BMP5: variants seen among roughly 807,000 people sequenced by gnomAD.
BMP5 encodes bone morphogenetic protein 5.
Under a neutral mutation model 46.6 loss-of-function variants are expected in BMP5, and 23 were observed. The ratio of observed to expected loss-of-function variants is 0.49; its 90% CI spans 0.35 to 0.70. The LOEUF is 0.70. BMP5 is among the 30% of genes least tolerant of loss of function. BMP5 has a pLI of 0.00. For synonymous variants in BMP5, 204 were observed against 191.9 expected (o/e 1.06, Z -0.52); for missense variants, 545 against 565.6 (o/e 0.96, Z 0.37).
intron 4 of BMP5, among the ~76,000 whole-genome samples, chr6:55,770,120 T>C (rs1413751333): frequency 1.3e-5 from 2 of 151,854 alleles, no homozygotes; most frequent in Admixed American, 1.3e-4. Context: ...GAGAGTCAGA[T>C]TGTCAGAAGA....
chr6:55,874,661 A>G lies in BMP5; in HGVS notation c.205T>C (p.Ser69Pro). The G allele has an allele frequency of 6.2e-7, 1 of 1,613,602 alleles. No homozygotes were observed. Reference protein sequence around the residue: ...LGLPHRPRPFSPGKQASSAPL... With the variant: ...LGLPHRPRPFPPGKQASSAPL... Reference sequence around the variant, plus strand: ...GCAGAGGACGCTTGTTTTCCAGGTGAAAATGGTCTGGGTCTGTGAGGCAAA... The same window carrying G: ...GCAGAGGACGCTTGTTTTCCAGGTGGAAATGGTCTGGGTCTGTGAGGCAAA... Residue 69 changes from serine (S) to proline (P), a missense_variant, in exon 1 of 7, where the codon TCA (serine) becomes CCA (proline). Coordinates refer to ENST00000370830, the MANE Select transcript of BMP5 (RefSeq NM_021073.4).
chr6:55,845,210 A>AT (rs1156998542), intron 1 of BMP5, among the ~76,000 whole-genome samples: 10 of 152,162 alleles, frequency 6.6e-5, no homozygotes, highest in African/African-American at 2.2e-4. Context: ...TGAGATTTAA[A>AT]TTTTTTGCCG....
chr6:55,847,643 A>AT (rs1562068425), intron 1 of BMP5, among the ~76,000 whole-genome samples: 4 of 151,876 alleles, frequency 2.6e-5, no homozygotes, highest in East Asian at 1.9e-4. Context: ...AAATGCAATA[A>AT]TTTTTTTTAC....
intron 4 of BMP5, among the ~76,000 whole-genome samples, chr6:55,764,874 A>G (rs1239718527): frequency 1.3e-5 from 2 of 152,170 alleles, no homozygotes; most frequent in East Asian, 3.9e-4. Flanking sequence ...AATCAGTTGT[A>G]GTGTTCGATA....
At chr6:55,760,373 GA>G in intron 5 of BMP5, 83 bp downstream of exon 5, 2 of 1,291,854 alleles carry the variant, frequency 1.5e-6, no homozygotes, top group Non-Finnish European at 2.2e-6. Flanking sequence ...TATTATATTG[GA>G]AAATTACTGC....
intron 3 of BMP5, among the ~76,000 whole-genome samples, chr6:55,788,291 A>G (rs1269758317): frequency 6.6e-6 from 1 of 151,716 alleles, no homozygotes; most frequent in Admixed American, 6.6e-5. Context: ...TGTTTTTCTA[A>G]GAACAAAATG....
chr6:55,811,015 C>CCA (rs1197004598), intron 2 of BMP5, among the ~76,000 whole-genome samples: 1 of 152,176 alleles, frequency 6.6e-6, no homozygotes, highest in Non-Finnish European at 1.5e-5. Context: ...AGCATGATCC[C>CCA]CACACACTGA....
At chr6:55,788,695 C>T (rs980352006) in intron 3 of BMP5, among the ~76,000 whole-genome samples, 1 of 151,888 alleles carries the variant, frequency 6.6e-6, no homozygotes, top group Non-Finnish European at 1.5e-5. Context: ...GAGGTAATTA[C>T]TATCACACTC....
chr6:55,868,903 A>G (rs1187067231), intron 1 of BMP5, among the ~76,000 whole-genome samples: 1 of 152,216 alleles, frequency 6.6e-6, no homozygotes, highest in African/African-American at 2.4e-5. Context: ...CAAGGGTATT[A>G]TTTTAAGAGA....
At chr6:55,799,223 A>G (rs1168139906) in intron 2 of BMP5, among the ~76,000 whole-genome samples, 2 of 152,174 alleles carry the variant, frequency 1.3e-5, no homozygotes, top group Non-Finnish European at 2.9e-5. Context: ...TTAAGAGGTA[A>G]ATTACACTTA....
intron 2 of BMP5, among the ~76,000 whole-genome samples, chr6:55,803,852 G>C (rs1297790399): frequency 6.6e-6 from 1 of 152,110 alleles, no homozygotes; most frequent in Non-Finnish European, 1.5e-5. Context: ...TGTCCTTGGG[G>C]CTCCAGCATA....
At chr6:55,816,231 A>G (rs1440402464) in intron 2 of BMP5, among the ~76,000 whole-genome samples, 4 of 152,126 alleles carry the variant, frequency 2.6e-5, no homozygotes, top group Non-Finnish European at 4.4e-5. Context: ...AGTAATAATG[A>G]TGTCAAAGCA....
intron 1 of BMP5, among the ~76,000 whole-genome samples, chr6:55,828,901 T>C (rs1036099517): frequency 1.3e-5 from 2 of 151,798 alleles, no homozygotes; most frequent in East Asian, 1.9e-4. Flanking sequence ...CAATTTGTGG[T>C]TCAATCTGTC....
rs572010833 is a variant in BMP5 at position 55,764,345 on chromosome 6, G to A, written c.1028-3812C>T. 5.9e-5 allele frequency among the ~76,000 whole-genome samples: 9 copies of A among 152,276 alleles called. No individual in the cohort carries two copies. The East Asian group carries it at 1.5e-3, about 26-fold the overall frequency. On this transcript the variant is annotated intron_variant, in intron 4 of 6. Transcript: ENST00000370830. ...TCCCAGCACTTTGGGAGGCCAAGGA[G>A]GGCGGATCACGAGGTCAGAAGATCG...
chr6:55,818,525 A>G (rs1259678300), intron 2 of BMP5, among the ~76,000 whole-genome samples: 1 of 152,200 alleles, frequency 6.6e-6, no homozygotes, highest in African/African-American at 2.4e-5. Flanking sequence ...ATTCAAGACC[A>G]AAATTAAATT....
At chr6:55,827,420 A>G (rs1776558283) in intron 1 of BMP5, among the ~76,000 whole-genome samples, 1 of 151,740 alleles carries the variant, frequency 6.6e-6, no homozygotes, top group Non-Finnish European at 1.5e-5. Context: ...GGTTCCTACA[A>G]CAGTGGATAG....
intron 4 of BMP5, among the ~76,000 whole-genome samples, chr6:55,764,442 G>T (rs973271791): frequency 3.9e-5 from 6 of 151,988 alleles, no homozygotes; most frequent in African/African-American, 1.4e-4. Context: ...GCGTAGTGGC[G>T]GACGCCTGTA....
At chr6:55,784,438 C>T (rs1033796566) in intron 3 of BMP5, among the ~76,000 whole-genome samples, 5 of 151,552 alleles carry the variant, frequency 3.3e-5, no homozygotes, top group Admixed American at 2.0e-4. Context: ...TAATCAATAA[C>T]TATAAAGAGA....
rs376280286 is a variant in BMP5, at chr6:55,782,751, A to C, written c.833-8508T>G. The stretch of plus-strand genomic sequence containing the variant: ...CATTGGGAATTGAAAAAGCCAATTC[A>C]ACATTTCTGAAATTAAGAGAGAAGC... On this transcript the variant is annotated intron_variant, in intron 3 of 6. Coordinates refer to ENST00000370830, the MANE Select transcript of BMP5 (RefSeq NM_021073.4). Among the ~76,000 whole-genome samples, 190 of 152,264 alleles carry C rather than the reference A, an allele frequency of 1.2e-3. 1 individual carries two copies. The highest frequency in any genetic ancestry group is 0.01 in the Middle Eastern group (3 of 294).
Sources: gnomAD v4.1 joint callset for allele counts (sites outside exome capture counted in the v4.1 genomes callset) on GRCh38, gnomAD v4.1.1 for gene constraint, MANE v1.5 for transcripts, NCBI Gene and HGNC (gene_info 2026-07-23, HGNC 2026-07-21) for gene names.